The following AKNA variants were observed in gnomAD, a reference collection of about 807,000 sequenced individuals.
The protein encoded by AKNA is microtubule organization protein AKNA.
Under a neutral mutation model 138.8 loss-of-function variants are expected in AKNA, and 67 were observed. That is an observed-to-expected ratio of 0.48 (90% confidence interval 0.40 to 0.59). AKNA has a LOEUF of 0.59. AKNA is among the 20% of genes least tolerant of loss of function. The pLI is 0.00. For missense variants in AKNA, 1,813 were observed against 1,880.4 expected (o/e 0.96, Z 0.66); for synonymous variants, 737 against 754.4 (o/e 0.98, Z 0.38).
rs1054727393 is a variant in AKNA at position 114,335,149 on chromosome 9, A to C, written c.*1905T>G. 5.9e-5 allele frequency: 9 copies of C among 152,342 alleles called. No individual in the cohort carries two copies. The highest frequency in any genetic ancestry group is 2.2e-4 in the African/African-American group (9 of 41,468). The allele number at this position is 152,342 out of a possible 1,614,324, so 9.4% of individuals were successfully genotyped here. On this transcript the variant is annotated 3_prime_UTR_variant, in exon 22 of 22. Coordinates refer to ENST00000374088, the MANE Select transcript of AKNA (RefSeq NM_001317950.2). ...GCAGGGAGAAGCAAGGGAGACGAGA[A>C]GTGGGGAACATGGAAGAAAAAGCCA...
chr9:114,383,253 G>A (rs530982057), intron 1 of AKNA: 57 of 455,174 alleles, frequency 1.3e-4, no homozygotes, highest in African/African-American at 8.0e-4. Flanking sequence ...GGGCTCCTCC[G>A]CTGCCTTCCC....
chr9:114,380,599 T>C (rs1363066748), intron 2 of AKNA, among the ~76,000 whole-genome samples: 1 of 152,194 alleles, frequency 6.6e-6, no homozygotes, highest in African/African-American at 2.4e-5. Flanking sequence ...GTATTATGTA[T>C]ACAATTTAAA....
chr9:114,360,627 G>A (rs1831878767), intron 9 of AKNA, among the ~76,000 whole-genome samples: 1 of 151,904 alleles, frequency 6.6e-6, no homozygotes, highest in African/African-American at 2.4e-5. Context: ...CAAACCATAG[G>A]GCCAGCATGA....
intron 1 of AKNA, among the ~76,000 whole-genome samples, chr9:114,383,602 C>T (rs185633506): frequency 7.2e-5 from 11 of 152,278 alleles, no homozygotes; most frequent in African/African-American, 2.6e-4. Flanking sequence ...GCCTCCTGGC[C>T]CACAGTCTGG....
At chr9:114,356,412 C>T (rs1259117123) in intron 13 of AKNA, among the ~76,000 whole-genome samples, 1 of 152,130 alleles carries the variant, frequency 6.6e-6, no homozygotes, top group Non-Finnish European at 1.5e-5. Flanking sequence ...CCTTTGCATG[C>T]ACCCTTGGGT....
rs1830005536 is a variant in AKNA at position 114,336,567 on chromosome 9, C to G, written c.*487G>C. On this transcript the variant is annotated 3_prime_UTR_variant, in exon 22 of 22. Transcript: ENST00000374088. ...CTACCAGTCACTAGGAGAAAGGTCT[C>G]CGGCTATGCCCTTCCCAGTGATGCT... 6.4e-6 allele frequency: 1 copy of G among 155,198 alleles called. No individual in the cohort carries two copies. The highest frequency in any genetic ancestry group is 2.4e-5 in the African/African-American group (1 of 41,594). 9.6% of individuals were successfully genotyped at this position (155,198 alleles called of 1,614,324 possible). A position where few individuals can be genotyped will look rare whatever the true frequency, so the allele number is the denominator to read the frequency against.
intron 6 of AKNA, among the ~76,000 whole-genome samples, chr9:114,365,366 T>C (rs567734098): frequency 1.4e-4 from 22 of 152,320 alleles, no homozygotes; most frequent in East Asian, 3.9e-4. Context: ...AGTGTGTGCA[T>C]TGAACATTTT....
chr9:114,379,470 C>G (rs1004545529), intron 2 of AKNA, among the ~76,000 whole-genome samples: 22 of 152,234 alleles, frequency 1.4e-4, no homozygotes, highest in African/African-American at 5.1e-4. Context: ...TCACCATCCC[C>G]TGCTGGAGAG....
upstream of AKNA, among the ~76,000 whole-genome samples, chr9:114,395,797 T>C (rs12380875): frequency 0.2 from 30,707 of 150,772 alleles, 3,372 homozygotes; most frequent in Middle Eastern, 0.3. Flanking sequence ...GTTACTAATT[T>C]TGATGGTGTT....
chr9:114,361,205 C>A (rs1831929186), intron 9 of AKNA, among the ~76,000 whole-genome samples: 1 of 152,220 alleles, frequency 6.6e-6, no homozygotes, highest in African/African-American at 2.4e-5. Flanking sequence ...ACATCTCAGA[C>A]TATTTTTCCT....
chr9:114,350,453 T>C (rs1831026022), intron 15 of AKNA, among the ~76,000 whole-genome samples: 1 of 152,070 alleles, frequency 6.6e-6, no homozygotes, highest in Non-Finnish European at 1.5e-5. Flanking sequence ...GGAACTTTCT[T>C]AGTAGAAAAA....
chr9:114,343,898 G>T, intron 18 of AKNA, 95 bp from the exon 19 acceptor site: 1 of 1,140,604 alleles, frequency 8.8e-7, no homozygotes, highest in Non-Finnish European at 1.3e-6. Context: ...TCCTCCAAAT[G>T]GTTTTAATAG....
downstream of AKNA, chr9:114,330,576 G>C: frequency 2.5e-6 from 4 of 1,612,876 alleles, no homozygotes; most frequent in Non-Finnish European, 2.5e-6. Context: ...TACCAGACCC[G>C]GTGAGAGCCC....
chr9:114,355,458 C>A (rs934020793), intron 14 of AKNA, among the ~76,000 whole-genome samples: 4 of 152,132 alleles, frequency 2.6e-5, no homozygotes, highest in Admixed American at 1.3e-4. Context: ...ATTACAGGCA[C>A]GAGCCGCTGC....
chr9:114,340,578 C>T lies in AKNA; in HGVS notation c.4067+955G>A, dbSNP rs190445802. Among the ~76,000 whole-genome samples, 46 of 152,338 alleles carry T rather than the reference C, an allele frequency of 3.0e-4. No individual in the cohort carries two copies. The East Asian group carries it at 6.7e-3, about 22-fold the overall frequency. On this transcript the variant is annotated intron_variant, in intron 21 of 21. Coordinates refer to ENST00000374088, the MANE Select transcript of AKNA (RefSeq NM_001317950.2). ...TGCCACGTGCCACACTTAATCCTCA[C>T]GCACAGGATTAAGTACGTGGTTGAG...
chr9:114,390,618 C>T (rs915817334), upstream of AKNA, among the ~76,000 whole-genome samples: 11 of 152,222 alleles, frequency 7.2e-5, no homozygotes, highest in Non-Finnish European at 8.8e-5. Context: ...GATAAAAGTT[C>T]CAAACAAGAC....
intron 1 of AKNA, among the ~76,000 whole-genome samples, chr9:114,393,858 A>T (rs565648696): frequency 1.3e-5 from 2 of 152,116 alleles, no homozygotes; most frequent in Admixed American, 6.5e-5. Flanking sequence ...AAGCAAAAGA[A>T]AGAGAAAGAC....
At chr9:114,350,383 A>G (rs1350998605) in intron 15 of AKNA, among the ~76,000 whole-genome samples, 2 of 152,138 alleles carry the variant, frequency 1.3e-5, no homozygotes, top group African/African-American at 4.8e-5. Flanking sequence ...AAAAGCAACT[A>G]AGAGGAGGTG....
intron 20 of AKNA, 27 bp from the exon 21 acceptor site, chr9:114,341,752 G>A: frequency 1.3e-6 from 2 of 1,535,344 alleles, no homozygotes; most frequent in Non-Finnish European, 1.7e-6. Flanking sequence ...AGCACAGAGA[G>A]ACAGAGTCTG....
Sources: allele counts gnomAD v4.1 joint callset (sites outside exome capture counted in the v4.1 genomes callset), GRCh38; gene constraint gnomAD v4.1.1; transcripts MANE v1.5; gene names NCBI Gene and HGNC (gene_info 2026-07-23, HGNC 2026-07-21).